CDH20: variants seen among roughly 807,000 people sequenced by gnomAD.
The protein encoded by CDH20 is cadherin-20.
A neutral mutation model predicts 74.2 loss-of-function variants in CDH20; 29 were observed. That is an observed-to-expected ratio of 0.39 (90% CI 0.29 to 0.53). The LOEUF (loss-of-function observed/expected upper bound fraction) is 0.53, where lower values mean the gene tolerates loss of function less well. CDH20 is among the 20% of genes least tolerant of loss of function. The pLI, the probability that CDH20 is intolerant of heterozygous loss-of-function variation, is 0.69. For synonymous variants in CDH20, 469 were observed against 405.4 expected (o/e 1.16, Z -1.88); for missense variants, 988 against 1,048.3 (o/e 0.94, Z 0.79).
At chr18:61,368,359 G>A (rs1261960863) in intron 1 of CDH20, among the ~76,000 whole-genome samples, 2 of 144,792 alleles carry the variant, frequency 1.4e-5, no homozygotes, top group Non-Finnish European at 3.0e-5. Context: ...GTGTTTATTA[G>A]GAAATCTACA....
At chr18:61,511,498 G>C (rs144975963) in intron 6 of CDH20, among the ~76,000 whole-genome samples, 1 of 152,152 alleles carries the variant, frequency 6.6e-6, no homozygotes, top group Non-Finnish European at 1.5e-5. Context: ...TGTTTCTTTA[G>C]TACGAAAACT....
intron 6 of CDH20, among the ~76,000 whole-genome samples, chr18:61,511,134 G>A (rs1911767311): frequency 7.0e-6 from 1 of 141,982 alleles, no homozygotes; most frequent in South Asian, 2.2e-4. Flanking sequence ...CTATAGGCAT[G>A]TGCCATCACA....
chr18:61,408,923 A>T (rs1912411996), intron 1 of CDH20, among the ~76,000 whole-genome samples: 3 of 152,254 alleles, frequency 2.0e-5, no homozygotes, highest in Admixed American at 6.5e-5. Flanking sequence ...ATACAAAAAA[A>T]AATGACAGAC....
chr18:61,503,643 C>G (rs1305326418), intron 5 of CDH20, among the ~76,000 whole-genome samples: 1 of 152,194 alleles, frequency 6.6e-6, no homozygotes, highest in African/African-American at 2.4e-5. Flanking sequence ...TGGTGAGACC[C>G]CTGGACATGA....
intron 6 of CDH20, among the ~76,000 whole-genome samples, chr18:61,526,334 G>A (rs1265740258): frequency 6.6e-6 from 1 of 151,738 alleles, no homozygotes; most frequent in Non-Finnish European, 1.5e-5. Flanking sequence ...TTTTAAGTAA[G>A]AAAATAACAA....
chr18:61,508,555 G>T, intron 6 of CDH20, among the ~76,000 whole-genome samples: 1 of 152,094 alleles, frequency 6.6e-6, no homozygotes, highest in East Asian at 1.9e-4. Context: ...ATATATAATG[G>T]AATACTACAC....
intron 6 of CDH20, among the ~76,000 whole-genome samples, chr18:61,518,614 G>T (rs1912087184): frequency 6.6e-6 from 1 of 151,220 alleles, no homozygotes; most frequent in Admixed American, 6.6e-5. Context: ...CCCATCCAAA[G>T]TTCACCAACA....
At chr18:61,495,497 G>A (rs941849501) in intron 2 of CDH20, among the ~76,000 whole-genome samples, 2 of 152,174 alleles carry the variant, frequency 1.3e-5, no homozygotes, top group Non-Finnish European at 2.9e-5. Flanking sequence ...GCCGGTAGAA[G>A]GTACTAGAGG....
intron 1 of CDH20, among the ~76,000 whole-genome samples, chr18:61,466,550 C>T (rs1157774664): frequency 3.3e-5 from 5 of 152,020 alleles, no homozygotes; most frequent in Non-Finnish European, 7.4e-5. Context: ...TAAAGGTGTT[C>T]GAAACAATCT....
intron 1 of CDH20, among the ~76,000 whole-genome samples, chr18:61,358,708 C>G (rs1301533702): frequency 6.6e-6 from 1 of 152,080 alleles, no homozygotes; most frequent in Admixed American, 6.6e-5. Flanking sequence ...ATGAATAATA[C>G]CATAATGCTG....
chr18:61,546,249 T>C lies in CDH20; in HGVS notation c.1648+1105T>C, dbSNP rs192249565. ...TGATTAGGTTAGGCACGCCTGGTTTTAGTTTCAAACATCAATTATTTGAGA... is the reference window on the plus strand; with the variant it reads ...TGATTAGGTTAGGCACGCCTGGTTTCAGTTTCAAACATCAATTATTTGAGA... On this transcript the variant is annotated intron_variant, in intron 10 of 11. Transcript: ENST00000262717. 9.3e-4 allele frequency among the ~76,000 whole-genome samples: 142 copies of C among 152,354 alleles called. 2 individuals are homozygous for C. The highest frequency in any genetic ancestry group is 1.6e-3 in the Non-Finnish European group (107 of 68,032).
In CDH20 at chr18:61,507,353, G is replaced by A; in HGVS notation, c.830-20G>A. 1.2e-6 allele frequency: 2 copies of A among 1,605,398 alleles called. No individual in the cohort carries two copies. Among genetic ancestry groups the A allele is most frequent in the African/African-American group, 1.3e-5 (1 of 74,634 alleles). ...TAGTGACGGATTATCAAGAATGCGT[G>A]TCCTGGCTTTTCTTCGTAGAACATT... On this transcript the variant is annotated intron_variant, in intron 5 of 11. Coordinates refer to ENST00000262717, the MANE Select transcript of CDH20 (RefSeq NM_031891.4).
chr18:61,407,673 T>G (rs1454796741), intron 1 of CDH20, among the ~76,000 whole-genome samples: 1 of 152,234 alleles, frequency 6.6e-6, no homozygotes, highest in Admixed American at 6.5e-5. Context: ...AACGTCACTT[T>G]TGTGATAATT....
At chr18:61,445,962 C>T (rs1242537166) in intron 1 of CDH20, among the ~76,000 whole-genome samples, 1 of 152,004 alleles carries the variant, frequency 6.6e-6, no homozygotes, top group Non-Finnish European at 1.5e-5. Flanking sequence ...CTTAAGTGTC[C>T]CTGTATATAG....
intron 1 of CDH20, among the ~76,000 whole-genome samples, chr18:61,368,860 CAAA>C (rs1296541435): frequency 2.3e-5 from 2 of 87,920 alleles, no homozygotes; most frequent in Admixed American, 1.2e-4. Context: ...AGTTCTTTTT[CAAA>C]AAAAAAAAAA....
chr18:61,350,303 T>C (rs1910262212), intron 1 of CDH20, among the ~76,000 whole-genome samples: 1 of 152,150 alleles, frequency 6.6e-6, no homozygotes, highest in South Asian at 2.1e-4. Flanking sequence ...TATAAAAAAT[T>C]ATTGCTGATC....
chr18:61,336,050 G>C (rs908456768), intron 1 of CDH20, among the ~76,000 whole-genome samples: 3 of 152,212 alleles, frequency 2.0e-5, no homozygotes, highest in African/African-American at 7.2e-5. Context: ...TGTGACTGTA[G>C]TAAGTGCTGA....
intron 1 of CDH20, among the ~76,000 whole-genome samples, chr18:61,335,452 G>C (rs896189792): frequency 6.6e-5 from 10 of 152,176 alleles, no homozygotes; most frequent in African/African-American, 1.9e-4. Context: ...ATGAGGTCAA[G>C]CCTCCACGCT....
intron 1 of CDH20, among the ~76,000 whole-genome samples, chr18:61,412,564 A>G (rs1236255874): frequency 6.6e-6 from 1 of 152,228 alleles, no homozygotes; most frequent in East Asian, 1.9e-4. Flanking sequence ...AAAAAAGAAT[A>G]GTCCAACAAC....
Sources: gnomAD v4.1 joint callset for allele counts (sites outside exome capture counted in the v4.1 genomes callset) on GRCh38, gnomAD v4.1.1 for gene constraint, MANE v1.5 for transcripts, NCBI Gene and HGNC (gene_info 2026-07-23, HGNC 2026-07-21) for gene names.